CDH22: variants seen among roughly 807,000 people sequenced by gnomAD.
The protein encoded by CDH22 is cadherin-22.
Under a neutral mutation model 58.4 loss-of-function variants are expected in CDH22, and 30 were observed. That is an observed-to-expected ratio of 0.51 (90% CI 0.38 to 0.70). The LOEUF (loss-of-function observed/expected upper bound fraction) is 0.70. Among genes scored for constraint, CDH22 ranks in the 30% least tolerant of loss-of-function variants. CDH22 has a pLI of 0.00. For synonymous variants in CDH22, 513 were observed against 558.2 expected (o/e 0.92, Z 1.14); for missense variants, 1,014 against 1,233.9 (o/e 0.82, Z 2.67).
intron 1 of CDH22, among the ~76,000 whole-genome samples, chr20:46,293,858 AC>A (rs2086616873): frequency 6.6e-6 from 1 of 152,120 alleles, no homozygotes; most frequent in South Asian, 2.1e-4. Flanking sequence ...CTACTAAAAT[AC>A]AAAAAATTAG....
chr20:46,195,624 C>G (rs560622270), intron 8 of CDH22, among the ~76,000 whole-genome samples: 4 of 150,088 alleles, frequency 2.7e-5, no homozygotes, highest in Admixed American at 6.6e-5. Context: ...ACCCCCCCCC[C>G]ACCCAGTCTC....
chr20:46,175,893 C>T (rs1017500834), intron 11 of CDH22, among the ~76,000 whole-genome samples: 1 of 152,218 alleles, frequency 6.6e-6, no homozygotes, highest in African/African-American at 2.4e-5. Context: ...AACACACACC[C>T]TAAGCTAGGA....
At chr20:46,205,530 G>A (rs553872993) in intron 7 of CDH22, among the ~76,000 whole-genome samples, 1 of 152,296 alleles carries the variant, frequency 6.6e-6, no homozygotes, top group East Asian at 1.9e-4. Context: ...GGAGTGCTGG[G>A]TGGAGAAAGG....
At chr20:46,258,702 C>T (rs562859055) in intron 1 of CDH22, among the ~76,000 whole-genome samples, 9 of 152,356 alleles carry the variant, frequency 5.9e-5, no homozygotes, top group East Asian at 1.9e-4. Flanking sequence ...CCAGCAGCCT[C>T]GGGAAGAGTC....
chr20:46,189,107 T>C (rs1294207791), intron 8 of CDH22, among the ~76,000 whole-genome samples: 2 of 151,950 alleles, frequency 1.3e-5, no homozygotes, highest in African/African-American at 2.4e-5. Context: ...AGCCACCTCC[T>C]GGGGGGGCGG....
At chr20:46,227,729 G>A in intron 3 of CDH22, 102 bp from the exon 4 acceptor site, 1 of 1,483,078 alleles carries the variant, frequency 6.7e-7, no homozygotes, top group Non-Finnish European at 9.0e-7. Context: ...AGACCCTCGG[G>A]AGACCTGCGG....
At chr20:46,272,764 A>G (rs1367652310) in intron 1 of CDH22, among the ~76,000 whole-genome samples, 1 of 152,254 alleles carries the variant, frequency 6.6e-6, no homozygotes, top group Non-Finnish European at 1.5e-5. Flanking sequence ...TGTAAGTCCC[A>G]TGAAACAAGG....
At chr20:46,209,264 C>A (rs1282988519) in intron 7 of CDH22, among the ~76,000 whole-genome samples, 1 of 152,172 alleles carries the variant, frequency 6.6e-6, no homozygotes, top group Non-Finnish European at 1.5e-5. Flanking sequence ...CGAGAACGTT[C>A]TAGGCCGAGG....
chr20:46,226,962 C>T lies in CDH22; in HGVS notation c.670+546G>A, dbSNP rs1467218879. 2.0e-5 allele frequency among the ~76,000 whole-genome samples: 3 copies of T among 152,258 alleles called. No individual in the cohort carries two copies. In the East Asian group the frequency reaches 5.8e-4, roughly 29 times the overall value. ...ACAGCGGGTGGGCGTGCTGCACCAT[C>T]GTTTGGTGGTGTTGAGGGGATAAGC... On this transcript the variant is annotated intron_variant, in intron 4 of 11. Transcript: ENST00000537909.
chr20:46,271,546 C>T (rs1466621941), intron 1 of CDH22, among the ~76,000 whole-genome samples: 1 of 152,098 alleles, frequency 6.6e-6, no homozygotes, highest in South Asian at 2.1e-4. Flanking sequence ...CTTTACTCAC[C>T]TCCTACTCTT....
chr20:46,186,664 T>C lies in CDH22; in HGVS notation c.1587A>G (p.Gln529=), dbSNP rs1239610392. 1.9e-6 allele frequency: 3 copies of C among 1,613,684 alleles called. No individual in the cohort carries two copies. The highest frequency in any genetic ancestry group is 2.7e-5 in the African/African-American group (2 of 74,876). Residue 529 remains glutamine (Q), a synonymous_variant, in exon 10 of 12, where the codon CAA becomes CAG. Transcript: ENST00000537909. ...TISVVDRDEP[Q]GGHRFYFRLV... is the part of the protein sequence containing the mutation. Reference sequence around the variant, plus strand: ...GGCGGAAATAGAAGCGGTGCCCGCCTTGGGGCTCGTCTCTGTCCACCACGC... The same window carrying C: ...GGCGGAAATAGAAGCGGTGCCCGCCCTGGGGCTCGTCTCTGTCCACCACGC...
chr20:46,230,979 G>T (rs1244477159), intron 3 of CDH22, among the ~76,000 whole-genome samples: 2 of 152,176 alleles, frequency 1.3e-5, no homozygotes, highest in East Asian at 1.9e-4. Flanking sequence ...TGGAGTAGAA[G>T]TAGATAGGTG....
At chr20:46,262,373 T>C (rs1216800318) in intron 1 of CDH22, among the ~76,000 whole-genome samples, 1 of 152,168 alleles carries the variant, frequency 6.6e-6, no homozygotes, top group East Asian at 1.9e-4. Context: ...AGTCACCTCA[T>C]CTGCAAAGGC....
chr20:46,187,821 C>A (rs958633987), intron 8 of CDH22, among the ~76,000 whole-genome samples: 2 of 152,160 alleles, frequency 1.3e-5, no homozygotes, highest in African/African-American at 2.4e-5. Flanking sequence ...TTTTAAGTAT[C>A]CTTGCAGAAA....
intron 3 of CDH22, among the ~76,000 whole-genome samples, 191 bp downstream of exon 3, chr20:46,240,770 CAT>C (rs963269622): frequency 6.6e-6 from 1 of 152,126 alleles, no homozygotes; most frequent in Admixed American, 6.5e-5. Context: ...TGGCTGAAGT[CAT>C]GTGTGTGGTT....
chr20:46,256,116 G>A (rs1014389215), intron 1 of CDH22, among the ~76,000 whole-genome samples: 2 of 152,166 alleles, frequency 1.3e-5, no homozygotes, highest in Admixed American at 1.3e-4. Context: ...TGTGCATGAC[G>A]ATCTGATATG....
chr20:46,198,332 A>ACACG (rs1491578478), intron 8 of CDH22, among the ~76,000 whole-genome samples: 10 of 135,054 alleles, frequency 7.4e-5, no homozygotes, highest in Non-Finnish European at 1.4e-4. Context: ...ACACACACAC[A>ACACG]TATTCTTCCA....
In CDH22 at chr20:46,199,508, C is replaced by T. The variant is rs1194845500; in HGVS notation, c.1338G>A (p.Ala446=). 1.9e-6 allele frequency: 3 copies of T among 1,613,906 alleles called. No homozygotes were observed. Among genetic ancestry groups the T allele is most frequent in the Non-Finnish European group, 8.5e-7 (1 of 1,179,982 alleles). The change falls in exon 8 of 12, where the codon GCG becomes GCA. Residue 446 remains alanine, a synonymous_variant. Coordinates refer to ENST00000537909, the MANE Select transcript of CDH22 (RefSeq NM_021248.3). The stretch of plus-strand genomic sequence containing the variant: ...TGCCAGTCACGATGGCGCCTGTGTC[C>T]GCATCGATATCGAAGATCTGGTCCA... ...SDLDQIFDID[A]DTGAIVTGKG... is the part of the protein sequence containing the mutation.
chr20:46,211,338 C>T (rs1475608213), intron 6 of CDH22, among the ~76,000 whole-genome samples: 2 of 152,212 alleles, frequency 1.3e-5, no homozygotes, highest in African/African-American at 2.4e-5. Context: ...GACTCACAGG[C>T]AGGTGCCTAC....
Sources: allele counts gnomAD v4.1 joint callset (sites outside exome capture counted in the v4.1 genomes callset), GRCh38; gene constraint gnomAD v4.1.1; transcripts MANE v1.5; gene names NCBI Gene and HGNC (gene_info 2026-07-23, HGNC 2026-07-21).